HCN1: variants seen among roughly 807,000 people sequenced by gnomAD.
HCN1 encodes potassium/sodium hyperpolarization-activated cyclic nucleotide-gated channel 1.
Under a neutral mutation model 78.9 loss-of-function variants are expected in HCN1, and 13 were observed. The ratio of observed to expected loss-of-function variants is 0.16; its 90% confidence interval spans 0.11 to 0.26. The LOEUF (loss-of-function observed/expected upper bound fraction) is 0.26. Ranked by LOEUF, HCN1 falls within the 10% of genes least tolerant of loss-of-function variation. The pLI is 1.00. For missense variants in HCN1, 810 were observed against 1,154.3 expected (o/e 0.70, Z 4.32); for synonymous variants, 552 against 455.5 (o/e 1.21, Z -2.70).
chr5:45,505,255 A>C (rs1742274714), intron 2 of HCN1, among the ~76,000 whole-genome samples: 1 of 152,052 alleles, frequency 6.6e-6, no homozygotes, highest in African/African-American at 2.4e-5. Flanking sequence ...TAAGTCTTTA[A>C]TCCATCTTGA....
At chr5:45,599,735 C>T (rs534931867) in intron 2 of HCN1, among the ~76,000 whole-genome samples, 4 of 152,002 alleles carry the variant, frequency 2.6e-5, no homozygotes, top group Non-Finnish European at 4.4e-5. Flanking sequence ...TATTTAGACT[C>T]GTGATGTTTG....
intron 6 of HCN1, among the ~76,000 whole-genome samples, chr5:45,273,131 G>A (rs548624260): frequency 4.6e-5 from 7 of 151,918 alleles, no homozygotes; most frequent in South Asian, 2.1e-4. Context: ...GGGACTTAGC[G>A]TATTAATTTT....
intron 2 of HCN1, among the ~76,000 whole-genome samples, chr5:45,515,355 AG>A (rs368032404): frequency 1.2e-4 from 18 of 152,154 alleles, no homozygotes; most frequent in African/African-American, 3.8e-4. Flanking sequence ...TTTACCCAAA[AG>A]CATCAATAAA....
chr5:45,322,926 T>C (rs183652508), intron 5 of HCN1, among the ~76,000 whole-genome samples: 1 of 151,964 alleles, frequency 6.6e-6, no homozygotes, highest in East Asian at 1.9e-4. Flanking sequence ...TTGAGCAACC[T>C]TGTCTGATAT....
chr5:45,373,107 CA>C (rs1747461059), intron 4 of HCN1, among the ~76,000 whole-genome samples: 1 of 124,338 alleles, frequency 8.0e-6, no homozygotes, highest in South Asian at 2.4e-4. Flanking sequence ...ATATAAAATA[CA>C]TATAGTATAT....
chr5:45,304,744 A>G (rs1408374738), intron 5 of HCN1, among the ~76,000 whole-genome samples: 1 of 152,116 alleles, frequency 6.6e-6, no homozygotes, highest in African/African-American at 2.4e-5. Context: ...CATTCTTTCT[A>G]AAGACTCCTG....
intron 2 of HCN1, among the ~76,000 whole-genome samples, chr5:45,611,886 T>C (rs16902186): frequency 0.21 from 32,176 of 152,084 alleles, 3,910 homozygotes; most frequent in East Asian, 0.32. Context: ...CAGAGAATTT[T>C]AACCTTTGGG....
At position 45,554,752 on chromosome 5, in the gene HCN1, T is replaced by G. The variant is rs879721286; in HGVS notation, c.849+90433A>C. On this transcript the variant is annotated intron_variant, in intron 2 of 7. Transcript: ENST00000303230. ...ATGAATAATCAGTGTATGTGAAATT[T>G]TGCTAAGGGCAATTTGACCTTAAAA... Among the ~76,000 whole-genome samples the G allele has an allele frequency of 2.6e-5, 4 of 151,774 alleles. No homozygotes were observed. In the Admixed American group the frequency reaches 2.6e-4, roughly 10 times the overall value.
chr5:45,437,220 G>A (rs995641259), intron 3 of HCN1, among the ~76,000 whole-genome samples: 14 of 151,968 alleles, frequency 9.2e-5, no homozygotes, highest in African/African-American at 3.1e-4. Flanking sequence ...TGAATGAATC[G>A]GGTATGATCA....
chr5:45,683,644 T>G (rs1406385892), intron 1 of HCN1, among the ~76,000 whole-genome samples: 3 of 151,546 alleles, frequency 2.0e-5, no homozygotes, highest in Admixed American at 6.6e-5. Flanking sequence ...TATATATATA[T>G]ATACACACAC....
At chr5:45,666,444 C>T (rs1019380836) in intron 1 of HCN1, among the ~76,000 whole-genome samples, 5 of 151,968 alleles carry the variant, frequency 3.3e-5, no homozygotes, top group Non-Finnish European at 5.9e-5. Context: ...TGTCATTGTT[C>T]TGTTACATAT....
rs538162363 is a variant in HCN1 at position 45,420,569 on chromosome 5, T to C, written c.1012-23859A>G. 1.1e-4 allele frequency among the ~76,000 whole-genome samples: 17 copies of C among 152,250 alleles called. No homozygotes were observed. In the South Asian group the frequency reaches 3.3e-3, roughly 30 times the overall value. ...ATCGTGGCAGGCTGGTGCGACAACATGTGGAAGTGGCATGCCAGCCTTGGG... is the reference window on the plus strand; with the variant it reads ...ATCGTGGCAGGCTGGTGCGACAACACGTGGAAGTGGCATGCCAGCCTTGGG... On this transcript the variant is annotated intron_variant, in intron 3 of 7. Coordinates refer to ENST00000303230, the MANE Select transcript of HCN1 (RefSeq NM_021072.4).
At chr5:45,266,451 A>G (rs1360953022) in intron 7 of HCN1, among the ~76,000 whole-genome samples, 1 of 152,090 alleles carries the variant, frequency 6.6e-6, no homozygotes, top group African/African-American at 2.4e-5. Flanking sequence ...TGTAATATAG[A>G]CTCATATATC....
intron 4 of HCN1, among the ~76,000 whole-genome samples, chr5:45,393,656 G>T (rs1040542458): frequency 1.3e-5 from 2 of 152,072 alleles, no homozygotes; most frequent in African/African-American, 4.8e-5. Context: ...CTGTAAGATT[G>T]TTTCAATCAA....
chr5:45,473,932 C>A (rs1417684185), intron 2 of HCN1, among the ~76,000 whole-genome samples: 1 of 151,840 alleles, frequency 6.6e-6, no homozygotes, highest in Non-Finnish European at 1.5e-5. Context: ...ATTTGGTTGA[C>A]CTCTAGGCAC....
chr5:45,333,365 G>A, intron 5 of HCN1, among the ~76,000 whole-genome samples: 1 of 151,652 alleles, frequency 6.6e-6, no homozygotes, highest in Non-Finnish European at 1.5e-5. Context: ...AGTTGTTTGA[G>A]CTCCATATAA....
intron 2 of HCN1, among the ~76,000 whole-genome samples, chr5:45,537,393 T>C (rs1295728629): frequency 6.9e-5 from 5 of 72,386 alleles, no homozygotes; most frequent in Admixed American, 6.2e-4. Context: ...TGATTATGCA[T>C]TTTTTTTTGT....
chr5:45,694,595 T>G (rs1739969978), intron 1 of HCN1, among the ~76,000 whole-genome samples: 1 of 152,224 alleles, frequency 6.6e-6, no homozygotes, highest in African/African-American at 2.4e-5. Context: ...TTTAGTTGAT[T>G]CTTCTTTTCT....
chr5:45,613,252 G>A (rs1744876456), intron 2 of HCN1, among the ~76,000 whole-genome samples: 1 of 149,770 alleles, frequency 6.7e-6, no homozygotes. Context: ...AGAATATGCG[G>A]TGTTTGGTAT....
Sources: allele counts gnomAD v4.1 joint callset (sites outside exome capture counted in the v4.1 genomes callset), GRCh38; gene constraint gnomAD v4.1.1; transcripts MANE v1.5; gene names NCBI Gene and HGNC (gene_info 2026-07-23, HGNC 2026-07-21).